Variants in PCDHGA2 observed in about 807,000 individuals in gnomAD.
PCDHGA2 encodes the protein protocadherin gamma subfamily A, 2, also known as protocadherin gamma-A2.
Under a neutral mutation model 59.2 loss-of-function variants are expected in PCDHGA2, and 40 were observed. The ratio of observed to expected loss-of-function variants is 0.68; its 90% CI spans 0.52 to 0.88. The LOEUF is 0.88. Ranked by LOEUF, PCDHGA2 falls within the 40% of genes least tolerant of loss-of-function variation. The pLI is 0.00. For synonymous variants in PCDHGA2, 560 were observed against 526.0 expected (o/e 1.06, Z -0.89); for missense variants, 1,226 against 1,204.0 (o/e 1.02, Z -0.27).
intron 1 of PCDHGA2, chr5:141,387,909 G>C (rs1383616266): frequency 8.0e-6 from 12 of 1,498,886 alleles, no homozygotes; most frequent in Non-Finnish European, 1.1e-5. Flanking sequence ...CGGGGAGCTG[G>C]GCCGGGCTGA....
intron 1 of PCDHGA2, chr5:141,422,516 G>A (rs575294611): frequency 1.2e-6 from 2 of 1,614,014 alleles, no homozygotes; most frequent in African/African-American, 1.3e-5. Context: ...GACCAGGGAA[G>A]CCCGCCTTTG....
In PCDHGA2 at chr5:141,511,548, A is replaced by C; in HGVS notation, c.*375A>C. 3.3e-6 allele frequency: 1 copy of C among 306,952 alleles called. No homozygotes were observed. The highest frequency in any genetic ancestry group is 6.3e-6 in the Non-Finnish European group (1 of 158,248). 19.0% of individuals were successfully genotyped at this position (306,952 alleles called of 1,614,324 possible). ...CCTCCCTCCTCCCCACCCCACTCCA[A>C]CAGTTCCTCTTTCCCGAGTAAGGTG... is the stretch of plus-strand genomic sequence containing the variant. On this transcript the variant is annotated 3_prime_UTR_variant, in exon 4 of 4. Transcript: ENST00000394576.
chr5:141,418,504 A>T (rs761133198), intron 1 of PCDHGA2: 32 of 1,613,904 alleles, frequency 2.0e-5, no homozygotes, highest in Non-Finnish European at 2.7e-5. Context: ...TGACCGCCTT[A>T]GATGGTGGGG....
chr5:141,510,862 C>CATTCA, intron 3 of PCDHGA2, 85 bp from the exon 4 acceptor site: 1 of 1,606,772 alleles, frequency 6.2e-7, no homozygotes, highest in South Asian at 1.1e-5. Flanking sequence ...GCTGTATAGG[C>CATTCA]ATTCATTAAC....
At position 141,356,801 on chromosome 5, in the gene PCDHGA2, C is replaced by G. The variant is rs369350823; in HGVS notation, c.2424+15406C>G. Reference sequence around the variant, plus strand: ...AGAGACCTGCAGCTGCTGATGACAGCCAGTGACAGTGGAGACCCTCCACTC... The same window carrying G: ...AGAGACCTGCAGCTGCTGATGACAGGCAGTGACAGTGGAGACCCTCCACTC... On this transcript the variant is annotated intron_variant, in intron 1 of 3. Coordinates refer to ENST00000394576, the MANE Select transcript of PCDHGA2 (RefSeq NM_018915.4). The G allele has an allele frequency of 5.1e-5, 82 of 1,613,922 alleles. No homozygotes were observed. The highest frequency in any genetic ancestry group is 4.6e-4 in the South Asian group (42 of 91,084).
At chr5:141,506,188 C>A (rs925159785) in intron 3 of PCDHGA2, among the ~76,000 whole-genome samples, 1 of 152,058 alleles carries the variant, frequency 6.6e-6, no homozygotes, top group Non-Finnish European at 1.5e-5. Flanking sequence ...TGGTGGCTCA[C>A]GCCTGTAATC....
At chr5:141,359,694 G>C (rs4912605) in intron 1 of PCDHGA2, among the ~76,000 whole-genome samples, 1 of 151,894 alleles carries the variant, frequency 6.6e-6, no homozygotes, top group Non-Finnish European at 1.5e-5. Flanking sequence ...ACATATCTCC[G>C]GAAGGATACC....
intron 1 of PCDHGA2, among the ~76,000 whole-genome samples, chr5:141,380,915 G>A (rs1452983675): frequency 6.6e-6 from 1 of 152,180 alleles, no homozygotes. Context: ...TGCTTACATT[G>A]TTTAATAATC....
intron 1 of PCDHGA2, chr5:141,475,885 A>G (rs1593590954): frequency 1.8e-6 from 1 of 556,524 alleles, no homozygotes. Flanking sequence ...ATTGGCTGGG[A>G]CTCTGTGTGC....
intron 1 of PCDHGA2, chr5:141,400,317 G>A: frequency 6.2e-7 from 1 of 1,614,078 alleles, no homozygotes; most frequent in Middle Eastern, 1.6e-4. Flanking sequence ...TCTGTGTCAA[G>A]TCTGGACCTG....
rs372235829 is a variant in PCDHGA2, at chr5:141,381,798, C to CTCTTTCTTTCTT, written c.2424+40416_2424+40427dup. On this transcript the variant is annotated intron_variant, in intron 1 of 3. Transcript: ENST00000394576. ...ATCAGGAACAAGGCAAGGCAATTCC[C>CTCTTTCTTTCTT]TCTTTCTTTCTTTCTTTCTTTCTTC... 5.9e-4 allele frequency among the ~76,000 whole-genome samples: 85 copies of CTCTTTCTTTCTT among 144,150 alleles called. 1 individual carries two copies. Among genetic ancestry groups the CTCTTTCTTTCTT allele is most frequent in the African/African-American group, 2.2e-3 (83 of 37,512 alleles). 94.6% of individuals were successfully genotyped at this position (144,150 alleles called of 152,430 possible).
intron 1 of PCDHGA2, among the ~76,000 whole-genome samples, chr5:141,438,598 AT>A (rs1433028092): frequency 6.7e-5 from 2 of 29,776 alleles, no homozygotes; most frequent in Non-Finnish European, 1.4e-4. Context: ...ATACATATAT[AT>A]ATATATATAT....
rs376001893 is a variant in PCDHGA2 at position 141,388,827 on chromosome 5, A to G, written c.2424+47432A>G. ...TTTTGAAGAAGTCAAAGAATATTCC[A>G]TAGTTTTGGAAGCAAGGGACGGTGG... On this transcript the variant is annotated intron_variant, in intron 1 of 3. Coordinates refer to ENST00000394576, the MANE Select transcript of PCDHGA2 (RefSeq NM_018915.4). The G allele has an allele frequency of 9.9e-6, 16 of 1,614,024 alleles. No homozygotes were observed. The African/African-American group carries it at 1.7e-4, about 17-fold the overall frequency.
rs142115917 is a variant in PCDHGA2, at chr5:141,361,509, G to T, written c.2424+20114G>T. On this transcript the variant is annotated intron_variant, in intron 1 of 3. Coordinates refer to ENST00000394576, the MANE Select transcript of PCDHGA2 (RefSeq NM_018915.4). ...CAGTTTTCCAACAGACTTCCTACAT[G>T]GTTCACGTGGCAGAGAACAATCCTC... 1.6e-4 allele frequency: 252 copies of T among 1,613,978 alleles called. No homozygotes were observed. In the East Asian group the frequency reaches 5.6e-3, roughly 36 times the overall value.
rs897116364 is a variant in PCDHGA2 at position 141,366,050 on chromosome 5, G to C, written c.2424+24655G>C. On this transcript the variant is annotated intron_variant, in intron 1 of 3. Coordinates refer to ENST00000394576, the MANE Select transcript of PCDHGA2 (RefSeq NM_018915.4). ...CGCCCTCCCCACAGACGGTTCCACGGGCGTGGAGCTGGCGCCTCGCTCCGC... is the reference window on the plus strand; with the variant it reads ...CGCCCTCCCCACAGACGGTTCCACGCGCGTGGAGCTGGCGCCTCGCTCCGC... The C allele has an allele frequency of 1.1e-5, 17 of 1,614,126 alleles. No homozygotes were observed. The highest frequency in any genetic ancestry group is 2.2e-5 in the South Asian group (2 of 91,088).
chr5:141,429,488 T>TA (rs748742046), intron 1 of PCDHGA2, among the ~76,000 whole-genome samples: 13 of 152,096 alleles, frequency 8.5e-5, no homozygotes, highest in Non-Finnish European at 1.6e-4. Flanking sequence ...TAGCTGAGAC[T>TA]ACAGTTGCCT....
At chr5:141,370,697 G>T in intron 1 of PCDHGA2, 3 of 1,613,806 alleles carry the variant, frequency 1.9e-6, no homozygotes, top group Non-Finnish European at 2.5e-6. Context: ...AGAAGTCGAC[G>T]TGTGTTCTGG....
chr5:141,486,555 A>T lies in PCDHGA2; in HGVS notation c.2425-8252A>T, dbSNP rs746001345. The T allele has an allele frequency of 6.2e-6, 10 of 1,614,078 alleles. No individual in the cohort carries two copies. Among genetic ancestry groups the T allele is most frequent in the Non-Finnish European group, 7.6e-6 (9 of 1,180,022 alleles). ...CCCTCTTTCTTTCAGAGGTCACATGAGGTGTTTGTTCCTGAGAACAATCGC... is the reference window on the plus strand; with the variant it reads ...CCCTCTTTCTTTCAGAGGTCACATGTGGTGTTTGTTCCTGAGAACAATCGC... On this transcript the variant is annotated intron_variant, in intron 1 of 3. Transcript: ENST00000394576. This position sits in a 1 kb window ranked among gnomAD's most constrained non-coding sequence, Gnocchi z 5.0.
At chr5:141,448,802 A>G (rs897172074) in intron 1 of PCDHGA2, among the ~76,000 whole-genome samples, 14 of 152,044 alleles carry the variant, frequency 9.2e-5, no homozygotes, top group Non-Finnish European at 1.8e-4. Flanking sequence ...AAAATTAGCC[A>G]GGCGTGATGG....
Sources: gnomAD v4.1 joint callset for allele counts (sites outside exome capture counted in the v4.1 genomes callset) on GRCh38, gnomAD v4.1.1 for gene constraint, Gnocchi (gnomAD v3.1) non-coding constraint, MANE v1.5 for transcripts, NCBI Gene and HGNC (gene_info 2026-07-23, HGNC 2026-07-21) for gene names.